TOGARAM2: variants seen among roughly 807,000 people sequenced by gnomAD.
TOGARAM2 encodes TOG array regulator of axonemal microtubules protein 2.
Under a neutral mutation model 93.3 loss-of-function variants are expected in TOGARAM2, and 85 were observed. The observed-to-expected ratio is 0.91, with a 90% CI of 0.76 to 1.09. The LOEUF (loss-of-function observed/expected upper bound fraction) is 1.09, where lower values mean the gene tolerates loss of function less well. Ranked by LOEUF, TOGARAM2 falls within the 50% of genes least tolerant of loss-of-function variation. TOGARAM2 has a pLI of 0.00. For missense variants in TOGARAM2, 1,277 were observed against 1,334.5 expected (o/e 0.96, Z 0.67); for synonymous variants, 593 against 552.8 (o/e 1.07, Z -1.02).
chr2:29,010,339 C>T (rs1664163970), intron 6 of TOGARAM2, among the ~76,000 whole-genome samples: 3 of 152,122 alleles, frequency 2.0e-5, no homozygotes, highest in Admixed American at 2.0e-4. Flanking sequence ...CTGGAGCATT[C>T]GCTTACTATC....
chr2:28,999,098 G>A (rs940947709), intron 3 of TOGARAM2, 83 bp from the exon 4 acceptor site: 4 of 1,417,916 alleles, frequency 2.8e-6, no homozygotes, highest in Middle Eastern at 2.6e-4. Context: ...CTGTTAGAAG[G>A]AAGCAATGTC....
At chr2:28,968,437 C>T (rs1671897234) in intron 1 of TOGARAM2, among the ~76,000 whole-genome samples, 1 of 152,086 alleles carries the variant, frequency 6.6e-6, no homozygotes, top group African/African-American at 2.4e-5. Context: ...CCCTTCTCCA[C>T]TCCCCGCAGC....
intron 18 of TOGARAM2, among the ~76,000 whole-genome samples, chr2:29,040,254 T>C (rs375413020): frequency 1.3e-5 from 2 of 152,218 alleles, no homozygotes; most frequent in African/African-American, 4.8e-5. Flanking sequence ...TTTCACATGC[T>C]ACTGGGCAGT....
chr2:29,033,083 T>G, intron 15 of TOGARAM2, 32 bp downstream of exon 15: 2 of 1,576,986 alleles, frequency 1.3e-6, no homozygotes, highest in South Asian at 2.3e-5. Flanking sequence ...GGTCATGGCC[T>G]TTTGGGGGTG....
At chr2:28,957,700 C>T (rs1247190222) in intron 1 of TOGARAM2, among the ~76,000 whole-genome samples, 2 of 152,090 alleles carry the variant, frequency 1.3e-5, no homozygotes, top group Non-Finnish European at 2.9e-5. Flanking sequence ...TCACATGATA[C>T]TTACCACACT....
At chr2:29,030,826 C>T (rs541337369) in intron 14 of TOGARAM2, among the ~76,000 whole-genome samples, 5 of 152,222 alleles carry the variant, frequency 3.3e-5, no homozygotes, top group Non-Finnish European at 7.3e-5. Context: ...CCCTCCACTC[C>T]AGACCCTTCT....
At chr2:29,021,603 C>G (rs1664949251) in intron 10 of TOGARAM2, among the ~76,000 whole-genome samples, 1 of 152,360 alleles carries the variant, frequency 6.6e-6, no homozygotes, top group East Asian at 1.9e-4. Context: ...GTGGCTGCAT[C>G]TGGACTGTGT....
At chr2:29,036,431 T>A in intron 17 of TOGARAM2, 110 bp from the exon 18 acceptor site, 1 of 897,780 alleles carries the variant, frequency 1.1e-6, no homozygotes. Flanking sequence ...GCAGGAGGAG[T>A]CTCTGCTGAG....
chr2:29,002,918 C>T (rs750200453), intron 5 of TOGARAM2, among the ~76,000 whole-genome samples, 171 bp downstream of exon 5: 1 of 152,180 alleles, frequency 6.6e-6, no homozygotes, highest in Non-Finnish European at 1.5e-5. Flanking sequence ...TCAAGGTGCT[C>T]ATTTCACCAC....
At chr2:28,961,136 A>C (rs1671800423) in intron 1 of TOGARAM2, among the ~76,000 whole-genome samples, 1 of 152,054 alleles carries the variant, frequency 6.6e-6, no homozygotes. Flanking sequence ...GGGTCAAAAA[A>C]ATTGACCCTG....
At chr2:29,042,743 G>A (rs904367584) in intron 18 of TOGARAM2, among the ~76,000 whole-genome samples, 2 of 152,160 alleles carry the variant, frequency 1.3e-5, no homozygotes, top group Admixed American at 6.5e-5. Context: ...CTCCGTGTCC[G>A]ACTGCCAGAC....
At chr2:29,015,363 T>C (rs1664502358) in intron 8 of TOGARAM2, among the ~76,000 whole-genome samples, 1 of 152,060 alleles carries the variant, frequency 6.6e-6, no homozygotes, top group Non-Finnish European at 1.5e-5. Flanking sequence ...CCCACCATGG[T>C]CTCAATTTCA....
At chr2:28,987,584 C>CG (rs1295189153) in intron 1 of TOGARAM2, among the ~76,000 whole-genome samples, 3 of 152,182 alleles carry the variant, frequency 2.0e-5, no homozygotes, top group Non-Finnish European at 2.9e-5. Flanking sequence ...CCACCACACC[C>CG]GGCCAATGTG....
At chr2:29,029,702 A>G (rs150359675) in intron 14 of TOGARAM2, among the ~76,000 whole-genome samples, 19,386 of 136,470 alleles carry the variant, frequency 0.14, 1,850 homozygotes, top group Non-Finnish European at 0.2. Flanking sequence ...CTTGCAGTGA[A>G]CCGAGATCGC....
rs771849147 is a variant in TOGARAM2 at position 29,017,129 on chromosome 2, A to G, written c.1045-25A>G. ...ATGATTGAATGAATGGGAGGTTAAT[A>G]GAGTTTGCCTTGACCTTGTGCCAGA... On this transcript the variant is annotated intron_variant, in intron 8 of 19. Transcript: ENST00000379558. 2.5e-6 allele frequency: 4 copies of G among 1,605,562 alleles called. No homozygotes were observed. In the Admixed American group the frequency reaches 6.9e-5, roughly 28 times the overall value.
At chr2:29,006,454 G>C (rs1450974876) in intron 6 of TOGARAM2, among the ~76,000 whole-genome samples, 2 of 150,892 alleles carry the variant, frequency 1.3e-5, no homozygotes, top group Admixed American at 6.6e-5. Flanking sequence ...ATGTGTATCT[G>C]TGTGTGAGTG....
intron 1 of TOGARAM2, among the ~76,000 whole-genome samples, chr2:28,964,508 A>G (rs1459153757): frequency 6.9e-6 from 1 of 145,608 alleles, no homozygotes. Flanking sequence ...GTTCTGGGTT[A>G]CATCTGGAGG....
At chr2:28,992,009 C>T (rs528868116) in intron 1 of TOGARAM2, among the ~76,000 whole-genome samples, 24 of 152,266 alleles carry the variant, frequency 1.6e-4, no homozygotes, top group African/African-American at 5.8e-4. Flanking sequence ...TCCACTGGCT[C>T]ATTTAGCCCT....
intron 18 of TOGARAM2, among the ~76,000 whole-genome samples, chr2:29,043,154 C>T (rs1416328558): frequency 6.6e-6 from 1 of 152,218 alleles, no homozygotes; most frequent in Admixed American, 6.5e-5. Flanking sequence ...ACGCAATTGA[C>T]AGCTTTACCA....
Sources: allele counts gnomAD v4.1 joint callset (sites outside exome capture counted in the v4.1 genomes callset), GRCh38; gene constraint gnomAD v4.1.1; transcripts MANE v1.5; gene names NCBI Gene and HGNC (gene_info 2026-07-23, HGNC 2026-07-21).